ST3GAL3: variants seen among roughly 807,000 people sequenced by gnomAD.
ST3GAL3 encodes CMP-N-acetylneuraminate-beta-1,4-galactoside alpha-2,3-sialyltransferase.
Under a neutral mutation model 50.1 loss-of-function variants are expected in ST3GAL3, and 21 were observed. That is an observed-to-expected ratio of 0.42 (90% CI 0.30 to 0.60). ST3GAL3 has a LOEUF of 0.60. Among genes scored for constraint, ST3GAL3 ranks in the 20% least tolerant of loss-of-function variants. The pLI, the probability that ST3GAL3 is intolerant of heterozygous loss-of-function variation, is 0.19. For synonymous variants in ST3GAL3, 183 were observed against 190.0 expected (o/e 0.96, Z 0.30); for missense variants, 353 against 489.4 (o/e 0.72, Z 2.63).
At chr1:43,765,118 GTTAT>G (rs1389661824) in intron 2 of ST3GAL3, among the ~76,000 whole-genome samples, 1 of 152,124 alleles carries the variant, frequency 6.6e-6, no homozygotes. Flanking sequence ...CACAATAAAG[GTTAT>G]TTCTCTCCTG....
intron 6 of ST3GAL3, 89 bp downstream of exon 6, chr1:43,894,566 C>A: frequency 8.6e-7 from 1 of 1,169,184 alleles, no homozygotes; most frequent in East Asian, 2.3e-5. Context: ...CAGAAGTCCC[C>A]ATGCTGAGAA....
chr1:43,785,046 A>G (rs1436211154), intron 2 of ST3GAL3, among the ~76,000 whole-genome samples: 1 of 152,114 alleles, frequency 6.6e-6, no homozygotes. Context: ...GTTTGTCCGC[A>G]GGAATCTCAT....
chr1:43,755,745 G>T (rs1687796020), intron 2 of ST3GAL3, among the ~76,000 whole-genome samples: 1 of 152,078 alleles, frequency 6.6e-6, no homozygotes, highest in African/African-American at 2.4e-5. Flanking sequence ...AAATTAGAAA[G>T]ATACAGACAA....
intron 3 of ST3GAL3, among the ~76,000 whole-genome samples, chr1:43,794,048 C>A (rs1246181199): frequency 4.8e-5 from 7 of 146,320 alleles, no homozygotes; most frequent in African/African-American, 1.8e-4. Context: ...TGCACCACTG[C>A]ACTCCAACCT....
chr1:43,899,009 T>A lies in ST3GAL3; in HGVS notation c.462-159T>A, dbSNP rs1570951310. On this transcript the variant is annotated intron_variant, in intron 7 of 11. Transcript: ENST00000347631. The surrounding 1 kb of genome is among the most constrained non-coding windows in gnomAD (Gnocchi z 5.4). ...AGGGCCCAGCTACCCATTGTATGGT[T>A]CAGGCCTTCTCTCAGAAATGCTGCC... 1.1e-6 allele frequency: 1 copy of A among 927,576 alleles called. No individual in the cohort carries two copies. Among genetic ancestry groups the A allele is most frequent in the East Asian group, 2.6e-5 (1 of 37,808 alleles). The allele number at this position is 927,576 out of a possible 1,614,324, so 57.5% of individuals were successfully genotyped here. A position where few individuals can be genotyped will look rare whatever the true frequency, so the allele number is the denominator to read the frequency against.
At chr1:43,857,586 CCCTTCCTTCCTTCCTTCCTTCCTTCCTT>C (rs1178598580) in intron 5 of ST3GAL3, among the ~76,000 whole-genome samples, 1 of 85,976 alleles carries the variant, frequency 1.2e-5, no homozygotes, top group South Asian at 4.8e-4. Context: ...CTTCCTCCCT[CCCTTCCTTCCTTCCTTCCTTCCTTCCTT>C]CCTTCCTTCC....
chr1:43,714,782 A>G (rs1666556396), intron 1 of ST3GAL3, among the ~76,000 whole-genome samples: 1 of 152,074 alleles, frequency 6.6e-6, no homozygotes, highest in Non-Finnish European at 1.5e-5. Flanking sequence ...TTCCCCCTGA[A>G]ATTTTGCTCC....
chr1:43,838,178 T>C (rs767588918), intron 4 of ST3GAL3, 41 bp from the exon 5 acceptor site: 1 of 1,347,984 alleles, frequency 7.4e-7, no homozygotes, highest in East Asian at 2.8e-5. Context: ...CACTCAGTGC[T>C]CAGTGCCTGG....
chr1:43,741,720 G>T (rs919893000), intron 2 of ST3GAL3, among the ~76,000 whole-genome samples: 1 of 152,156 alleles, frequency 6.6e-6, no homozygotes, highest in Non-Finnish European at 1.5e-5. Context: ...TCTATAGGAA[G>T]CTATAAAACT....
intron 9 of ST3GAL3, among the ~76,000 whole-genome samples, chr1:43,907,080 C>T (rs1269771975): frequency 6.6e-6 from 1 of 152,158 alleles, no homozygotes; most frequent in Non-Finnish European, 1.5e-5. Context: ...CATGCCAGGC[C>T]CTGGACGATG....
intron 1 of ST3GAL3, among the ~76,000 whole-genome samples, chr1:43,712,348 C>T (rs187322315): frequency 7.2e-5 from 11 of 152,280 alleles, no homozygotes; most frequent in Non-Finnish European, 1.2e-4. Flanking sequence ...AGCATCCCTA[C>T]GATCTCTTAT....
At chr1:43,859,015 A>G (rs1341915350) in intron 5 of ST3GAL3, among the ~76,000 whole-genome samples, 3 of 152,218 alleles carry the variant, frequency 2.0e-5, no homozygotes, top group Non-Finnish European at 4.4e-5. Flanking sequence ...AGTTCAGTGA[A>G]TCTCTCAGGA....
At chr1:43,800,055 A>T (rs72886858) in intron 3 of ST3GAL3, among the ~76,000 whole-genome samples, 7,594 of 152,036 alleles carry the variant, frequency 0.05, 619 homozygotes, top group African/African-American at 0.17. Flanking sequence ...GGGGCCAAGG[A>T]CATGTCATGC....
chr1:43,913,521 C>T (rs1014875395), intron 9 of ST3GAL3: 3 of 151,886 alleles, frequency 2.0e-5, no homozygotes, highest in Non-Finnish European at 4.4e-5. Context: ...TGCCTGTGGA[C>T]GTTTTTCTGA....
intron 5 of ST3GAL3, chr1:43,858,016 C>T (rs2068941452): frequency 1.6e-6 from 1 of 628,808 alleles, no homozygotes; most frequent in African/African-American, 1.9e-5. Flanking sequence ...GATCCCTCTT[C>T]ACAGATGGTT....
At chr1:43,735,709 CTG>C (rs1275602913) in intron 1 of ST3GAL3, among the ~76,000 whole-genome samples, 1 of 152,188 alleles carries the variant, frequency 6.6e-6, no homozygotes, top group African/African-American at 2.4e-5. Context: ...CTTCAGAACT[CTG>C]AGATAATTTT....
intron 2 of ST3GAL3, among the ~76,000 whole-genome samples, chr1:43,770,230 G>A (rs1694567370): frequency 1.3e-5 from 1 of 76,122 alleles, no homozygotes; most frequent in South Asian, 3.4e-4. Context: ...GAGAGGGGAG[G>A]GGAGGAGAGG....
intron 5 of ST3GAL3, chr1:43,858,120 A>G: frequency 7.8e-7 from 1 of 1,289,334 alleles, no homozygotes; most frequent in Non-Finnish European, 1.0e-6. Flanking sequence ...CCTCATCTGT[A>G]CCTATCTTCC....
rs2077689403 is a variant in ST3GAL3, at chr1:43,898,316, C to T, written c.461+18C>T. ...TTGGACAGGTGAGCCACACACTGTGCAGCCTCCTACCCACCGCTGCCTGGT... is the reference window on the plus strand; with the variant it reads ...TTGGACAGGTGAGCCACACACTGTGTAGCCTCCTACCCACCGCTGCCTGGT... On this transcript the variant is annotated intron_variant, in intron 7 of 11. Transcript: ENST00000347631. 6 of 1,612,452 alleles carry T rather than the reference C, an allele frequency of 3.7e-6. No individual in the cohort carries two copies. Among genetic ancestry groups the T allele is most frequent in the Non-Finnish European group, 4.2e-6 (5 of 1,179,860 alleles).
Sources: gnomAD v4.1 joint callset for allele counts (sites outside exome capture counted in the v4.1 genomes callset) on GRCh38, gnomAD v4.1.1 for gene constraint, Gnocchi (gnomAD v3.1) non-coding constraint, MANE v1.5 for transcripts, NCBI Gene and HGNC (gene_info 2026-07-23, HGNC 2026-07-21) for gene names.